STRN3: variants seen among roughly 807,000 people sequenced by gnomAD.
The protein encoded by STRN3 is striatin-3.
In STRN3, 29 loss-of-function variants were observed where a neutral mutation model predicts 95.6. The observed-to-expected ratio is 0.30, with a 90% confidence interval of 0.23 to 0.41. The LOEUF (loss-of-function observed/expected upper bound fraction) is 0.41, where lower values mean the gene tolerates loss of function less well. Among genes scored for constraint, STRN3 ranks in the 10% least tolerant of loss-of-function variants. STRN3 has a pLI of 1.00. For synonymous variants in STRN3, 331 were observed against 357.6 expected (o/e 0.93, Z 0.84); for missense variants, 890 against 972.1 (o/e 0.92, Z 1.12).
chr14:30,998,351 A>C (rs1450626160), intron 1 of STRN3, among the ~76,000 whole-genome samples: 2 of 152,248 alleles, frequency 1.3e-5, no homozygotes, highest in African/African-American at 4.8e-5. Flanking sequence ...CTAACTAAAA[A>C]GCTTAAAAAG....
In STRN3 at chr14:30,992,725, G is replaced by C. The variant is rs77724409; in HGVS notation, c.282+33179C>G. ...TCTATATTCCCCCATTAAAGAGTGAGTAAACTGGCCAGGTACAGTGGCTCA... is the reference window on the plus strand; with the variant it reads ...TCTATATTCCCCCATTAAAGAGTGACTAAACTGGCCAGGTACAGTGGCTCA... On this transcript the variant is annotated intron_variant, in intron 1 of 17. Coordinates refer to ENST00000357479, the MANE Select transcript of STRN3 (RefSeq NM_001083893.2). 5.2e-3 allele frequency among the ~76,000 whole-genome samples: 788 copies of C among 152,162 alleles called. 3 individuals are homozygous for C. Among genetic ancestry groups the C allele is most frequent in the African/African-American group, 0.018 (731 of 41,526 alleles).
chr14:30,964,931 A>AG lies in STRN3; in HGVS notation c.283-8690dup, dbSNP rs545511584. Among the ~76,000 whole-genome samples, 1,302 of 151,446 alleles carry AG rather than the reference A, an allele frequency of 8.6e-3. 6 individuals carry two copies. Among genetic ancestry groups the AG allele is most frequent in the Non-Finnish European group, 0.012 (815 of 67,786 alleles). ...GCAAGGCCCCTTCTCAAAAAAAAAA[A>AG]GAAAAAAAAAGAGAGTCTTGGTCTT... On this transcript the variant is annotated intron_variant, in intron 1 of 17. Coordinates refer to ENST00000357479, the MANE Select transcript of STRN3 (RefSeq NM_001083893.2).
chr14:30,897,689 T>C (rs17097477), intron 16 of STRN3, among the ~76,000 whole-genome samples: 63,581 of 152,042 alleles, frequency 0.42, 13,471 homozygotes, highest in Non-Finnish European at 0.45. Flanking sequence ...AAAATTAAAG[T>C]CTCTCATTTC....
chr14:30,958,120 C>T (rs889336684), intron 1 of STRN3, among the ~76,000 whole-genome samples: 1 of 152,088 alleles, frequency 6.6e-6, no homozygotes, highest in African/African-American at 2.4e-5. Flanking sequence ...CATGACCAGC[C>T]TTGGCAAGAC....
At chr14:31,025,712 C>A (rs576131789) in intron 1 of STRN3, 192 bp downstream of exon 1, 10 of 827,426 alleles carry the variant, frequency 1.2e-5, no homozygotes, top group Non-Finnish European at 1.8e-5. Flanking sequence ...GGTTGGGGAG[C>A]AAGCTTATGC....
At chr14:31,012,665 G>C (rs760160871) in intron 1 of STRN3, among the ~76,000 whole-genome samples, 4 of 152,108 alleles carry the variant, frequency 2.6e-5, no homozygotes, top group Admixed American at 2.6e-4. Flanking sequence ...AGACCGAGGC[G>C]GGTGGATCAC....
intron 4 of STRN3, among the ~76,000 whole-genome samples, chr14:30,948,785 T>C (rs189761511): frequency 6.6e-5 from 10 of 152,166 alleles, no homozygotes; most frequent in African/African-American, 2.4e-4. Flanking sequence ...AATCAGGCAA[T>C]GGGATTAGGC....
chr14:30,913,285 C>T (rs1896655349), intron 10 of STRN3, among the ~76,000 whole-genome samples: 1 of 151,856 alleles, frequency 6.6e-6, no homozygotes, highest in Non-Finnish European at 1.5e-5. Context: ...GATGTATTTA[C>T]TGACCAATAT....
chr14:30,954,330 C>T (rs1413770159), intron 3 of STRN3, among the ~76,000 whole-genome samples: 1 of 152,164 alleles, frequency 6.6e-6, no homozygotes, highest in East Asian at 1.9e-4. Flanking sequence ...ATTTATTTTA[C>T]TGAGAAAGGG....
chr14:30,907,071 A>AT, intron 13 of STRN3, 27 bp from the exon 14 acceptor site: 1 of 1,595,698 alleles, frequency 6.3e-7, no homozygotes, highest in Non-Finnish European at 8.5e-7. Context: ...CAAACAAAAA[A>AT]TTAGGTAAAA....
chr14:31,013,223 A>C (rs1051803507), intron 1 of STRN3, among the ~76,000 whole-genome samples: 2 of 151,824 alleles, frequency 1.3e-5, no homozygotes, highest in Non-Finnish European at 2.9e-5. Context: ...AACAACAACA[A>C]AATTAGTCAG....
intron 4 of STRN3, among the ~76,000 whole-genome samples, chr14:30,948,507 G>A (rs538119325): frequency 6.6e-6 from 1 of 152,018 alleles, no homozygotes; most frequent in African/African-American, 2.4e-5. Flanking sequence ...GAAATTAGAG[G>A]AAAAAAATGA....
chr14:31,014,780 T>C (rs1052056436), intron 1 of STRN3: 29 of 435,936 alleles, frequency 6.7e-5, no homozygotes, highest in Middle Eastern at 7.4e-4. Flanking sequence ...TTAACCTTTT[T>C]TTCTTTTTCA....
At chr14:30,897,885 ATGGT>A (rs1386871555) in intron 16 of STRN3, among the ~76,000 whole-genome samples, 1 of 152,220 alleles carries the variant, frequency 6.6e-6, no homozygotes, top group Non-Finnish European at 1.5e-5. Flanking sequence ...AGTGTATAAA[ATGGT>A]TGGCCTCCAT....
At chr14:30,993,204 A>G (rs114255272) in intron 1 of STRN3, among the ~76,000 whole-genome samples, 1,915 of 149,874 alleles carry the variant, frequency 0.013, 37 homozygotes, top group African/African-American at 0.044. Flanking sequence ...GCAGTGAGCT[A>G]TGATCCCACC....
intron 1 of STRN3, among the ~76,000 whole-genome samples, chr14:31,017,940 T>TGG (rs1312476925): frequency 2.6e-5 from 4 of 151,804 alleles, no homozygotes; most frequent in Non-Finnish European, 5.9e-5. Flanking sequence ...TAGCTGGGCA[T>TGG]GGTGGTGCAT....
At chr14:30,964,830 G>T (rs1355449835) in intron 1 of STRN3, among the ~76,000 whole-genome samples, 1 of 151,682 alleles carries the variant, frequency 6.6e-6, no homozygotes, top group African/African-American at 2.4e-5. Flanking sequence ...TGAGGCAGGA[G>T]AATCACTTGA....
chr14:30,975,933 T>G (rs752989607), intron 1 of STRN3, among the ~76,000 whole-genome samples: 88 of 151,470 alleles, frequency 5.8e-4, no homozygotes, highest in Middle Eastern at 3.4e-3. Flanking sequence ...TAAACTACAG[T>G]TCATATGCTA....
chr14:30,948,786 G>A (rs978521692), intron 4 of STRN3, among the ~76,000 whole-genome samples: 1 of 152,200 alleles, frequency 6.6e-6, no homozygotes, highest in African/African-American at 2.4e-5. Flanking sequence ...ATCAGGCAAT[G>A]GGATTAGGCA....
Sources: allele counts gnomAD v4.1 joint callset (sites outside exome capture counted in the v4.1 genomes callset), GRCh38; gene constraint gnomAD v4.1.1; transcripts MANE v1.5; gene names NCBI Gene and HGNC (gene_info 2026-07-23, HGNC 2026-07-21).